Variants in PCDH9 observed in about 807,000 individuals in gnomAD.
The protein encoded by PCDH9 is protocadherin-9.
In PCDH9, 24 loss-of-function variants were observed where a neutral mutation model predicts 70.6. That is an observed-to-expected ratio of 0.34 (90% confidence interval 0.25 to 0.48). PCDH9 has a LOEUF of 0.48. PCDH9 is among the 20% of genes least tolerant of loss of function. PCDH9 has a pLI of 0.99. For synonymous variants in PCDH9, 562 were observed against 558.5 expected (o/e 1.01, Z -0.09); for missense variants, 1,281 against 1,503.6 (o/e 0.85, Z 2.45).
chr13:67,070,022 TA>T, intron 2 of PCDH9, among the ~76,000 whole-genome samples: 1 of 151,672 alleles, frequency 6.6e-6, no homozygotes, highest in Non-Finnish European at 1.5e-5. Context: ...TCTTGATTTT[TA>T]TCAACCCTGC....
intron 2 of PCDH9, among the ~76,000 whole-genome samples, chr13:67,162,257 A>G (rs1217082619): frequency 1.3e-5 from 2 of 152,232 alleles, no homozygotes; most frequent in African/African-American, 4.8e-5. Flanking sequence ...AGATATGTCA[A>G]TATCCTTCTT....
intron 3 of PCDH9, among the ~76,000 whole-genome samples, chr13:66,739,441 C>T (rs1056806530): frequency 6.6e-6 from 1 of 150,578 alleles, no homozygotes; most frequent in African/African-American, 2.4e-5. Flanking sequence ...AACTAACGAG[C>T]AAAATCACCA....
intron 3 of PCDH9, among the ~76,000 whole-genome samples, chr13:66,764,541 G>A (rs1260664314): frequency 1.3e-5 from 2 of 151,974 alleles, no homozygotes; most frequent in African/African-American, 4.8e-5. Context: ...AAAATGACAG[G>A]AATTCTCAGA....
At position 66,932,659 on chromosome 13, in the gene PCDH9, C is replaced by CATATATATATATATATAT. The variant is rs199791250; in HGVS notation, c.3037-29072_3037-29055dup. On this transcript the variant is annotated intron_variant, in intron 2 of 4. Coordinates refer to ENST00000377865, the MANE Select transcript of PCDH9 (RefSeq NM_203487.3). ...CTAGGCTTAAATGTGTAAATCCTCACATATATATATATATATATATATACA... is the reference window on the plus strand; with the variant it reads ...CTAGGCTTAAATGTGTAAATCCTCACATATATATATATATATATATATATATATATATATATATATACA... Among the ~76,000 whole-genome samples the CATATATATATATATATAT allele has an allele frequency of 7.0e-3, 905 of 130,118 alleles. 6 individuals are homozygous for CATATATATATATATATAT. Among genetic ancestry groups the CATATATATATATATATAT allele is most frequent in the South Asian group, 0.015 (63 of 4,080 alleles). The allele number at this position is 130,118 out of a possible 152,430, so 85.4% of individuals were successfully genotyped here.
chr13:67,156,145 C>T (rs1401247064), intron 2 of PCDH9, among the ~76,000 whole-genome samples: 2 of 152,048 alleles, frequency 1.3e-5, no homozygotes, highest in Non-Finnish European at 2.9e-5. Flanking sequence ...AGATGAGGAC[C>T]TGGCACTCCT....
At chr13:66,899,032 T>C (rs1482391895) in intron 3 of PCDH9, among the ~76,000 whole-genome samples, 2 of 152,016 alleles carry the variant, frequency 1.3e-5, no homozygotes, top group Non-Finnish European at 2.9e-5. Context: ...GTTTAATACA[T>C]GGGAGTTCTC....
chr13:66,894,411 C>G (rs1194173194), intron 3 of PCDH9, among the ~76,000 whole-genome samples: 4 of 152,050 alleles, frequency 2.6e-5, no homozygotes, highest in Non-Finnish European at 5.9e-5. Context: ...GAAGTATAAG[C>G]TAAAATCAAG....
intron 4 of PCDH9, among the ~76,000 whole-genome samples, chr13:66,467,455 G>T (rs767463777): frequency 1.2e-4 from 18 of 151,812 alleles, no homozygotes; most frequent in Non-Finnish European, 2.2e-4. Context: ...TTTCTTTCTC[G>T]ACTTCATTCT....
chr13:66,412,522 A>T (rs566564889), intron 4 of PCDH9, among the ~76,000 whole-genome samples: 1 of 152,188 alleles, frequency 6.6e-6, no homozygotes, highest in African/African-American at 2.4e-5. Context: ...TCCACTTATC[A>T]TAGTATATTT....
chr13:66,850,322 C>A (rs1437562451), intron 3 of PCDH9, among the ~76,000 whole-genome samples: 1 of 152,106 alleles, frequency 6.6e-6, no homozygotes, highest in Non-Finnish European at 1.5e-5. Context: ...AGTTCAAGAC[C>A]AGCCTGGCCA....
At chr13:66,670,754 TGATGTCCATATGTTATG>T (rs1211716775) in intron 3 of PCDH9, among the ~76,000 whole-genome samples, 1 of 152,002 alleles carries the variant, frequency 6.6e-6, no homozygotes, top group Non-Finnish European at 1.5e-5. Context: ...TGTATTTTAA[TGATGTCCATATGTTATG>T]GATTGAAATG....
At chr13:66,661,772 T>C (rs2078012177) in intron 3 of PCDH9, among the ~76,000 whole-genome samples, 1 of 152,224 alleles carries the variant, frequency 6.6e-6, no homozygotes. Flanking sequence ...AACTTTTAAA[T>C]ATGCTACTGA....
At chr13:67,159,880 G>C (rs946176714) in intron 2 of PCDH9, among the ~76,000 whole-genome samples, 1 of 152,032 alleles carries the variant, frequency 6.6e-6, no homozygotes, top group Admixed American at 6.6e-5. Flanking sequence ...AGTTTTATAA[G>C]AAAGGGGCCT....
chr13:66,328,796 A>G (rs1205194893), intron 4 of PCDH9, among the ~76,000 whole-genome samples: 1 of 152,160 alleles, frequency 6.6e-6, no homozygotes, highest in Non-Finnish European at 1.5e-5. Context: ...CCTTAGACAA[A>G]GATATTGAAT....
chr13:66,520,915 G>T (rs1566388107), intron 4 of PCDH9, among the ~76,000 whole-genome samples: 2 of 152,162 alleles, frequency 1.3e-5, no homozygotes, highest in South Asian at 4.1e-4. Context: ...AAGCTGGTGA[G>T]TTCTTGCAAA....
At chr13:66,399,683 A>G (rs1347013388) in intron 4 of PCDH9, among the ~76,000 whole-genome samples, 1 of 151,966 alleles carries the variant, frequency 6.6e-6, no homozygotes, top group Non-Finnish European at 1.5e-5. Context: ...TATTTACTCT[A>G]GGAAATGATC....
intron 4 of PCDH9, among the ~76,000 whole-genome samples, chr13:66,492,261 CAT>C (rs1437629113): frequency 2.6e-5 from 4 of 151,756 alleles, no homozygotes; most frequent in African/African-American, 9.7e-5. Context: ...GGTTATATAA[CAT>C]GAGATAATAA....
chr13:66,776,483 T>C (rs1255405782), intron 3 of PCDH9, among the ~76,000 whole-genome samples: 4 of 150,908 alleles, frequency 2.7e-5, no homozygotes, highest in African/African-American at 9.7e-5. Flanking sequence ...TATACCCCAA[T>C]AACAGACAAA....
At chr13:67,055,576 C>T (rs1040180383) in intron 2 of PCDH9, among the ~76,000 whole-genome samples, 1 of 151,850 alleles carries the variant, frequency 6.6e-6, no homozygotes, top group African/African-American at 2.4e-5. Flanking sequence ...CTTTGCGAGG[C>T]TGAAGCAGAA....
Sources: allele counts gnomAD v4.1 joint callset (sites outside exome capture counted in the v4.1 genomes callset), GRCh38; gene constraint gnomAD v4.1.1; transcripts MANE v1.5; gene names NCBI Gene and HGNC (gene_info 2026-07-23, HGNC 2026-07-21).